Variants in MARCHF1 observed in about 807,000 individuals in gnomAD.
MARCHF1 encodes E3 ubiquitin-protein ligase MARCHF1.
MARCHF1 carries 40 observed loss-of-function variants against 54.2 expected under a neutral mutation model. The ratio of observed to expected loss-of-function variants is 0.74; its 90% CI spans 0.57 to 0.96. MARCHF1 has a LOEUF of 0.96. Among genes scored for constraint, MARCHF1 ranks in the 40% least tolerant of loss-of-function variants. The probability of loss-of-function intolerance (pLI) is 0.00; values close to 1 mark genes in which losing one functional copy is unlikely to be tolerated. For synonymous variants in MARCHF1, 236 were observed against 236.3 expected (o/e 1.00, Z 0.01); for missense variants, 586 against 656.5 (o/e 0.89, Z 1.17).
intron 5 of MARCHF1, among the ~76,000 whole-genome samples, chr4:163,625,339 A>G (rs927622155): frequency 2.0e-5 from 3 of 152,150 alleles, no homozygotes; most frequent in Admixed American, 6.5e-5. Context: ...AATTGCCACA[A>G]TGTTTTATAG....
At chr4:164,075,184 A>G (rs984686766) in intron 2 of MARCHF1, among the ~76,000 whole-genome samples, 5 of 152,236 alleles carry the variant, frequency 3.3e-5, no homozygotes, top group African/African-American at 1.2e-4. Flanking sequence ...CAATAAATTT[A>G]ATAGCATCAC....
chr4:164,022,782 G>C (rs1286263140), intron 2 of MARCHF1, among the ~76,000 whole-genome samples: 3 of 152,292 alleles, frequency 2.0e-5, no homozygotes, highest in South Asian at 4.1e-4. Flanking sequence ...GAGTGAGGCT[G>C]ACCTCTCTGC....
chr4:164,366,793 G>A (rs570509858), intron 1 of MARCHF1, among the ~76,000 whole-genome samples: 2 of 151,562 alleles, frequency 1.3e-5, no homozygotes, highest in African/African-American at 4.8e-5. Flanking sequence ...TTTTATACAT[G>A]TTTATTTATA....
intron 3 of MARCHF1, among the ~76,000 whole-genome samples, chr4:163,885,971 C>A (rs6856513): frequency 0.067 from 9,859 of 146,788 alleles, 359 homozygotes; most frequent in Non-Finnish European, 0.084. Flanking sequence ...ATCTATCTCT[C>A]TATATATAAA....
chr4:163,562,682 C>G (rs1434123307), intron 8 of MARCHF1, among the ~76,000 whole-genome samples: 2 of 152,150 alleles, frequency 1.3e-5, no homozygotes, highest in Non-Finnish European at 2.9e-5. Flanking sequence ...ACACTTCTGT[C>G]AGTCCAGACT....
intron 4 of MARCHF1, among the ~76,000 whole-genome samples, chr4:163,814,640 A>G (rs1373765393): frequency 2.0e-5 from 3 of 152,224 alleles, no homozygotes; most frequent in Non-Finnish European, 4.4e-5. Flanking sequence ...TAGGGTGATG[A>G]AACTTTGCCA....
At chr4:164,068,694 C>A (rs1173454100) in intron 2 of MARCHF1, among the ~76,000 whole-genome samples, 1 of 152,152 alleles carries the variant, frequency 6.6e-6, no homozygotes, top group Non-Finnish European at 1.5e-5. Flanking sequence ...GCCCCCTGCT[C>A]CATGGCCCCC....
At chr4:163,552,902 G>A (rs1028145099) in intron 8 of MARCHF1, among the ~76,000 whole-genome samples, 41 of 152,098 alleles carry the variant, frequency 2.7e-4, no homozygotes, top group Non-Finnish European at 4.1e-4. Flanking sequence ...GCATGGTGGC[G>A]GGCGCCTGTA....
chr4:163,762,086 G>A (rs1746841959), intron 4 of MARCHF1, among the ~76,000 whole-genome samples: 4 of 152,176 alleles, frequency 2.6e-5, no homozygotes, highest in African/African-American at 9.6e-5. Context: ...CTAGCTAAAT[G>A]AGGTAGAATA....
At chr4:163,962,919 C>T (rs907980876) in intron 3 of MARCHF1, among the ~76,000 whole-genome samples, 23 of 151,750 alleles carry the variant, frequency 1.5e-4, no homozygotes, top group South Asian at 2.1e-4. Flanking sequence ...GATCCCATAA[C>T]GTAAGTACTC....
intron 3 of MARCHF1, among the ~76,000 whole-genome samples, chr4:163,912,598 G>A (rs1751218126): frequency 6.6e-6 from 1 of 152,042 alleles, no homozygotes; most frequent in Non-Finnish European, 1.5e-5. Flanking sequence ...CATTTTCCTG[G>A]TTATTACCAT....
At chr4:164,089,743 T>G (rs35748401) in intron 2 of MARCHF1, among the ~76,000 whole-genome samples, 7,901 of 151,978 alleles carry the variant, frequency 0.052, 693 homozygotes, top group African/African-American at 0.18. Flanking sequence ...ATAATAATTG[T>G]GAAAGGGCTC....
intron 5 of MARCHF1, among the ~76,000 whole-genome samples, chr4:163,627,055 T>G (rs147058999): frequency 6.6e-6 from 1 of 152,210 alleles, no homozygotes; most frequent in African/African-American, 2.4e-5. Context: ...AATGTACTTA[T>G]GAAATCTCAG....
chr4:164,175,772 C>T (rs149483486), intron 1 of MARCHF1, among the ~76,000 whole-genome samples: 16 of 152,308 alleles, frequency 1.1e-4, no homozygotes, highest in Non-Finnish European at 2.1e-4. Flanking sequence ...CACCACGCTG[C>T]CCTGCAGCTT....
chr4:164,199,366 G>T (rs1731373209), intron 1 of MARCHF1, among the ~76,000 whole-genome samples: 2 of 152,144 alleles, frequency 1.3e-5, no homozygotes, highest in South Asian at 4.1e-4. Flanking sequence ...TCTACACCAG[G>T]CAGGGTGGCT....
intron 3 of MARCHF1, among the ~76,000 whole-genome samples, chr4:163,968,469 G>A (rs571586819): frequency 6.3e-4 from 96 of 152,130 alleles, no homozygotes; most frequent in African/African-American, 2.2e-3. Flanking sequence ...TGTCTTTCTC[G>A]AAAACTCAGA....
chr4:163,980,787 T>C (rs1474386481), intron 3 of MARCHF1, among the ~76,000 whole-genome samples: 2 of 152,336 alleles, frequency 1.3e-5, no homozygotes, highest in African/African-American at 4.8e-5. Context: ...CAGATTACTG[T>C]ATTGGAATTT....
At chr4:163,720,709 T>G (rs28789505) in intron 4 of MARCHF1, among the ~76,000 whole-genome samples, 3,781 of 152,240 alleles carry the variant, frequency 0.025, 158 homozygotes, top group African/African-American at 0.085. Flanking sequence ...TTCACTGAGC[T>G]GTGGTTTGTA....
chr4:163,994,087 A>G (rs1753017064), intron 2 of MARCHF1, among the ~76,000 whole-genome samples: 1 of 152,126 alleles, frequency 6.6e-6, no homozygotes, highest in African/African-American at 2.4e-5. Flanking sequence ...CAAAATAGAA[A>G]AAACTGTTTC....
Sources: allele counts gnomAD v4.1 joint callset (sites outside exome capture counted in the v4.1 genomes callset), GRCh38; gene constraint gnomAD v4.1.1; transcripts MANE v1.5; gene names NCBI Gene and HGNC (gene_info 2026-07-23, HGNC 2026-07-21).